Variants in NAA60 observed in about 807,000 individuals in gnomAD.
The protein encoded by NAA60 is N-alpha-acetyltransferase 60.
A neutral mutation model predicts 26.1 loss-of-function variants in NAA60; 8 were observed. The observed-to-expected ratio is 0.31, with a 90% confidence interval of 0.18 to 0.55. NAA60 has a LOEUF of 0.55. NAA60 is among the 20% of genes least tolerant of loss of function. NAA60 has a pLI of 0.93. For synonymous variants in NAA60, 131 were observed against 122.5 expected (o/e 1.07, Z -0.46); for missense variants, 290 against 311.3 (o/e 0.93, Z 0.51).
chr16:3,477,529 AGTGG>A, intron 3 of NAA60, among the ~76,000 whole-genome samples: 1 of 151,546 alleles, frequency 6.6e-6, no homozygotes, highest in East Asian at 2.0e-4. Context: ...GGCTGGGCGC[AGTGG>A]CTCACGCCTG....
Position 3,484,715 on chromosome 16 carries a change from C to A in NAA60, c.589C>A (p.Leu197Met). Residue 197 changes from leucine (L) to methionine (M), a missense_variant, in exon 7 of 8, where the codon CTG becomes ATG. Leu to Met is a conservative substitution (Grantham distance 15, BLOSUM62 2). Coordinates refer to ENST00000407558, the MANE Select transcript of NAA60 (RefSeq NM_001083601.3). Reference sequence around the variant, plus strand: ...GAGCCCCACGGACTACATCCAGCACCTGGGCTCTGCACTAGCCAGCCTGAG... The same window carrying A: ...GAGCCCCACGGACTACATCCAGCACATGGGCTCTGCACTAGCCAGCCTGAG... The part of the protein sequence containing the change: ...PWTILDYIQH[L>M]GSALASLSPC... 6.3e-7 allele frequency: 1 copy of A among 1,594,182 alleles called. No individual in the cohort carries two copies. The highest frequency in any genetic ancestry group is 8.5e-7 in the Non-Finnish European group (1 of 1,171,450).
At chr16:3,474,706 CT>C (rs2036368419) in intron 2 of NAA60, among the ~76,000 whole-genome samples, 1 of 152,236 alleles carries the variant, frequency 6.6e-6, no homozygotes, top group Admixed American at 6.5e-5. Flanking sequence ...GCCTCCACAC[CT>C]TGCACCTGCC....
At chr16:3,483,307 G>A in intron 5 of NAA60, 56 bp from the exon 6 acceptor site, 1 of 1,337,410 alleles carries the variant, frequency 7.5e-7, no homozygotes, top group Non-Finnish European at 1.1e-6. Flanking sequence ...TCCTAGCCCA[G>A]TCATCCTTCC....
At chr16:3,445,276 CT>C (rs960897042) in intron 1 of NAA60, among the ~76,000 whole-genome samples, 507 of 118,472 alleles carry the variant, frequency 4.3e-3, no homozygotes, top group Admixed American at 8.7e-3. Context: ...GTGCTTATCT[CT>C]TTTTTTTTTT....
intron 2 of NAA60, among the ~76,000 whole-genome samples, chr16:3,456,214 G>C (rs1714071588): frequency 6.6e-6 from 1 of 152,202 alleles, no homozygotes; most frequent in African/African-American, 2.4e-5. Flanking sequence ...TGGGGGTCTT[G>C]TTGAATGCAG....
At chr16:3,468,170 CA>C (rs1444435474) in intron 2 of NAA60, 1 of 152,234 alleles carries the variant, frequency 6.6e-6, no homozygotes, top group Non-Finnish European at 1.5e-5. Context: ...AGTGAAATTA[CA>C]AAGTTGCACT....
At chr16:3,483,994 G>A (rs374599114) in intron 6 of NAA60, among the ~76,000 whole-genome samples, 23 of 152,146 alleles carry the variant, frequency 1.5e-4, no homozygotes, top group Non-Finnish European at 3.1e-4. Flanking sequence ...AAACAAGTGC[G>A]GAGAGAAGAG....
Position 3,482,618 on chromosome 16 carries a change from C to G in NAA60, c.337+20C>G. On this transcript the variant is annotated intron_variant, in intron 5 of 7. Coordinates refer to ENST00000407558, the MANE Select transcript of NAA60 (RefSeq NM_001083601.3). ...GCATAGGTAAGGGCAGCCGGGCCCG[C>G]GGCTTGGCGCCCACCCCACCCCCTT... 2.6e-6 allele frequency: 4 copies of G among 1,553,094 alleles called. No homozygotes were observed. The South Asian group carries it at 3.5e-5, about 14-fold the overall frequency.
intron 2 of NAA60, among the ~76,000 whole-genome samples, chr16:3,455,264 G>A (rs751307023): frequency 1.3e-5 from 2 of 152,056 alleles, no homozygotes; most frequent in Non-Finnish European, 2.9e-5. Context: ...GTTTCACCAT[G>A]TTGGCCAGGC....
At chr16:3,445,276 CTT>C (rs960897042) in intron 1 of NAA60, among the ~76,000 whole-genome samples, 5 of 118,484 alleles carry the variant, frequency 4.2e-5, no homozygotes, top group Admixed American at 7.8e-5. Context: ...GTGCTTATCT[CTT>C]TTTTTTTTTT....
intron 2 of NAA60, among the ~76,000 whole-genome samples, chr16:3,455,936 A>G (rs1468228992): frequency 6.6e-6 from 1 of 151,324 alleles, no homozygotes; most frequent in Non-Finnish European, 1.5e-5. Flanking sequence ...CGATATCTTG[A>G]CCTCATGGTT....
chr16:3,454,633 AAGAG>A (rs1286099089), intron 2 of NAA60, among the ~76,000 whole-genome samples: 1 of 152,198 alleles, frequency 6.6e-6, no homozygotes, highest in Non-Finnish European at 1.5e-5. Context: ...ACAGCAAAAA[AAGAG>A]AGAGAGAAAG....
At chr16:3,462,191 A>C (rs1021300242) in intron 2 of NAA60, among the ~76,000 whole-genome samples, 6 of 151,838 alleles carry the variant, frequency 4.0e-5, no homozygotes, top group Non-Finnish European at 5.9e-5. Flanking sequence ...TATTCCTGAA[A>C]TAGGGTCGAT....
chr16:3,486,023 C>G lies in NAA60; in HGVS notation c.*763C>G, dbSNP rs138141507. On this transcript the variant is annotated 3_prime_UTR_variant, in exon 8 of 8. Coordinates refer to ENST00000407558, the MANE Select transcript of NAA60 (RefSeq NM_001083601.3). Reference sequence around the variant, plus strand: ...CTGACCTGCTGAGGACAGGCATCGCCGAGACTCCTTGGGTCCTCCCCGCCC... The same window carrying G: ...CTGACCTGCTGAGGACAGGCATCGCGGAGACTCCTTGGGTCCTCCCCGCCC... 3.8e-5 allele frequency: 9 copies of G among 235,394 alleles called. No individual in the cohort carries two copies. Among genetic ancestry groups the G allele is most frequent in the African/African-American group, 6.9e-5 (3 of 43,396 alleles). 14.6% of individuals were successfully genotyped at this position (235,394 alleles called of 1,614,324 possible).
intron 2 of NAA60, among the ~76,000 whole-genome samples, chr16:3,471,545 C>T (rs971009041): frequency 1.8e-4 from 27 of 152,182 alleles, no homozygotes; most frequent in African/African-American, 6.5e-4. Context: ...GTTTTCGTCC[C>T]CTCAGGAAGT....
chr16:3,443,995 T>TACGTTCACA, intron 1 of NAA60, 158 bp downstream of exon 1: 1 of 1,321,932 alleles, frequency 7.6e-7, no homozygotes, highest in East Asian at 2.8e-5. Context: ...TATCTTTGTG[T>TACGTTCACA]ACGTTCACAA....
intron 2 of NAA60, among the ~76,000 whole-genome samples, chr16:3,471,564 C>G (rs561650443): frequency 6.6e-6 from 1 of 152,286 alleles, no homozygotes; most frequent in African/African-American, 2.4e-5. Flanking sequence ...GTCATCCCTG[C>G]CCCAGGCATC....
intron 3 of NAA60, among the ~76,000 whole-genome samples, chr16:3,478,708 AG>A (rs1355139205): frequency 4.6e-5 from 7 of 152,128 alleles, no homozygotes; most frequent in Non-Finnish European, 8.8e-5. Flanking sequence ...CCTCCCTGTC[AG>A]GGAAGGCATT....
chr16:3,446,063 G>A (rs1265161045), intron 1 of NAA60, among the ~76,000 whole-genome samples: 3 of 152,086 alleles, frequency 2.0e-5, no homozygotes, highest in South Asian at 2.1e-4. Context: ...ATCCTTCCAC[G>A]ACAATCTTTT....
Sources: allele counts gnomAD v4.1 joint callset (sites outside exome capture counted in the v4.1 genomes callset), GRCh38; gene constraint gnomAD v4.1.1; transcripts MANE v1.5; gene names NCBI Gene and HGNC (gene_info 2026-07-23, HGNC 2026-07-21).